VWA2: variants seen among roughly 807,000 people sequenced by gnomAD.
VWA2 encodes von Willebrand factor A domain-containing protein 2.
A neutral mutation model predicts 70.4 loss-of-function variants in VWA2; 73 were observed. The ratio of observed to expected loss-of-function variants is 1.04; its 90% CI spans 0.86 to 1.26. The LOEUF is 1.26. VWA2 is among the 50% of genes most tolerant of loss of function. VWA2 has a pLI of 0.00. For synonymous variants in VWA2, 407 were observed against 423.3 expected, an observed-to-expected ratio of 0.96 and a Z score of 0.47; for missense variants, 1,011 against 998.5, an observed-to-expected ratio of 1.01 and a Z score of -0.17.
intron 8 of VWA2, chr10:114,281,824 A>G: frequency 1.1e-6 from 1 of 874,608 alleles, no homozygotes; most frequent in Non-Finnish European, 1.4e-6. Context: ...CAAAGAGGAA[A>G]GTGAAGACCA....
At chr10:114,253,803 TC>T (rs2037260176) in intron 3 of VWA2, 78 bp downstream of exon 3, 1 of 1,378,764 alleles carries the variant, frequency 7.3e-7, no homozygotes, top group Non-Finnish European at 1.0e-6. Context: ...ACCATGTTCT[TC>T]CAGAGAGTTT....
chr10:114,280,532 G>T (rs1451700144), intron 8 of VWA2, among the ~76,000 whole-genome samples: 1 of 152,056 alleles, frequency 6.6e-6, no homozygotes, highest in East Asian at 1.9e-4. Flanking sequence ...TGAGGGAGGT[G>T]GGGGGCAAAC....
chr10:114,285,698 G>T (rs937713445), intron 10 of VWA2, among the ~76,000 whole-genome samples: 2 of 152,244 alleles, frequency 1.3e-5, no homozygotes, highest in Non-Finnish European at 2.9e-5. Context: ...ATGGAAAAAA[G>T]TGATAATGTA....
In VWA2 at chr10:114,293,474, C is replaced by T. The variant is rs985799177; in HGVS notation, c.*2237C>T. 1.3e-5 allele frequency among the ~76,000 whole-genome samples: 2 copies of T among 152,134 alleles called. No individual in the cohort carries two copies. Among genetic ancestry groups the T allele is most frequent in the African/African-American group, 4.8e-5 (2 of 41,416 alleles). On this transcript the variant is annotated 3_prime_UTR_variant, in exon 14 of 14. Coordinates refer to ENST00000392982, the MANE Select transcript of VWA2 (RefSeq NM_001272046.2). ...GTTTCTTTGTAGGAAATGGGTTTCTCGCCTTTGAAACATTTTTTCCCCTTT... is the reference window on the plus strand; with the variant it reads ...GTTTCTTTGTAGGAAATGGGTTTCTTGCCTTTGAAACATTTTTTCCCCTTT...
At chr10:114,282,840 C>G (rs2038343840) in intron 9 of VWA2, among the ~76,000 whole-genome samples, 1 of 152,166 alleles carries the variant, frequency 6.6e-6, no homozygotes, top group African/African-American at 2.4e-5. Context: ...CACCGAGCAC[C>G]AGCTTTGCAG....
At chr10:114,270,974 C>T (rs1051014633) in intron 5 of VWA2, among the ~76,000 whole-genome samples, 4 of 152,206 alleles carry the variant, frequency 2.6e-5, no homozygotes, top group African/African-American at 9.7e-5. Context: ...AGCTGATTCA[C>T]CAAGACCCCA....
Position 114,282,563 on chromosome 10 carries a change from C to A in VWA2, c.881C>A (p.Thr294Asn). 6.2e-7 allele frequency: 1 copy of A among 1,614,032 alleles called. No individual in the cohort carries two copies. Among genetic ancestry groups the A allele is most frequent in the Non-Finnish European group, 8.5e-7 (1 of 1,179,890 alleles). The change falls in exon 9 of 14, where the codon ACC becomes AAC. Residue 294 changes from threonine (T) to asparagine (N), a missense_variant. Physicochemically the swap from Thr to Asn is moderately conservative, Grantham distance 65. Coordinates refer to ENST00000392982, the MANE Select transcript of VWA2 (RefSeq NM_001272046.2). ...CACCCTGCCACCTGCTACAGGACCACCTGCCCAGGTATGGTCTGTCTCTTG... is the reference window on the plus strand; with the variant it reads ...CACCCTGCCACCTGCTACAGGACCAACTGCCCAGGTATGGTCTGTCTCTTG... ...LTHPATCYRT[T>N]CPGPCDSQPC...
chr10:114,279,951 G>A lies in VWA2; in HGVS notation c.833+1100G>A, dbSNP rs949681903. Among the ~76,000 whole-genome samples, 12 of 152,344 alleles carry A rather than the reference G, an allele frequency of 7.9e-5. No individual in the cohort carries two copies. The East Asian group carries it at 1.7e-3, about 22-fold the overall frequency. The stretch of plus-strand genomic sequence containing the variant: ...GGCAGTGGGCAAGGCGCTCAGAGCC[G>A]GGAGCGGCTGGAAGAGGCTGGTGGC... On this transcript the variant is annotated intron_variant, in intron 8 of 13. Transcript: ENST00000392982.
chr10:114,240,297 C>G (rs2036953040), intron 1 of VWA2, among the ~76,000 whole-genome samples: 1 of 152,224 alleles, frequency 6.6e-6, no homozygotes, highest in Admixed American at 6.5e-5. Flanking sequence ...TCCCTCCCGC[C>G]TTGGGCCCTT....
chr10:114,287,575 G>A (rs1216378195), intron 11 of VWA2, among the ~76,000 whole-genome samples: 1 of 152,124 alleles, frequency 6.6e-6, no homozygotes, highest in African/African-American at 2.4e-5. Flanking sequence ...CTCTCCCCAA[G>A]GCGAGAGGCT....
rs530437889 is a variant in VWA2 at position 114,266,207 on chromosome 10, G to A, written c.371+4912G>A. 5.3e-5 allele frequency among the ~76,000 whole-genome samples: 8 copies of A among 152,176 alleles called. No individual in the cohort carries two copies. The South Asian group carries it at 1.7e-3, about 32-fold the overall frequency. Reference sequence around the variant, plus strand: ...AGCTACTCGGGAGGCTGAGGCAGGAGAATGGCATGAACCCAGGAGGCAGAG... The same window carrying A: ...AGCTACTCGGGAGGCTGAGGCAGGAAAATGGCATGAACCCAGGAGGCAGAG... On this transcript the variant is annotated intron_variant, in intron 5 of 13. Transcript: ENST00000392982.
chr10:114,248,191 G>A (rs149252741), intron 1 of VWA2, among the ~76,000 whole-genome samples: 2 of 152,180 alleles, frequency 1.3e-5, no homozygotes, highest in East Asian at 3.9e-4. Flanking sequence ...TTTAGATAGT[G>A]CAGGCTTTCT....
At chr10:114,290,179 G>GGGGTCTTC in intron 12 of VWA2, 61 bp from the exon 13 acceptor site, 1 of 1,538,980 alleles carries the variant, frequency 6.5e-7, no homozygotes. Context: ...ACTTAGGGTA[G>GGGGTCTTC]GGGTCTTCGG....
chr10:114,262,372 A>G (rs1409749623), intron 5 of VWA2, among the ~76,000 whole-genome samples: 1 of 151,646 alleles, frequency 6.6e-6, no homozygotes, highest in Non-Finnish European at 1.5e-5. Flanking sequence ...ACATATGCAC[A>G]TATTGACACA....
Position 114,294,385 on chromosome 10 carries a change from A to G in VWA2, c.*3148A>G, listed in dbSNP as rs376305511. 5.7e-4 allele frequency among the ~76,000 whole-genome samples: 87 copies of G among 152,208 alleles called. No individual in the cohort carries two copies. The highest frequency in any genetic ancestry group is 3.4e-3 in the Middle Eastern group (1 of 294). On this transcript the variant is annotated 3_prime_UTR_variant, in exon 14 of 14. Transcript: ENST00000392982. ...TGTCAGTATCTGTATTAAGGCCTCC[A>G]TTTCAGTTCTGCTATTTCATATTGC...
rs560050132 is a variant in VWA2 at position 114,286,313 on chromosome 10, G to A, written c.1372G>A (p.Glu458Lys). 1.9e-5 allele frequency: 31 copies of A among 1,612,144 alleles called. No individual in the cohort carries two copies. Among genetic ancestry groups the A allele is most frequent in the South Asian group, 1.4e-4 (13 of 90,872 alleles). ...GGTTTTGCTCACTGAGTCACACTCC[G>A]AGGATGAGGTTGCGGGCCCAGCGCG... is the stretch of plus-strand genomic sequence containing the variant. ...VVVLLTESHS[E>K]DEVAGPARHA... Residue 458 changes from glutamate (E) to lysine (K), a missense_variant, in exon 11 of 14, where the codon GAG becomes AAG. Transcript: ENST00000392982.
At chr10:114,239,907 G>A (rs773331348) in intron 1 of VWA2, among the ~76,000 whole-genome samples, 2 of 152,162 alleles carry the variant, frequency 1.3e-5, no homozygotes, top group Non-Finnish European at 2.9e-5. Flanking sequence ...AGGGGTGGAG[G>A]AGGGCATGTA....
At chr10:114,250,181 A>C (rs1040365071) in intron 2 of VWA2, among the ~76,000 whole-genome samples, 1 of 152,182 alleles carries the variant, frequency 6.6e-6, no homozygotes, top group African/African-American at 2.4e-5. Flanking sequence ...AAAAAATGAC[A>C]TCTTTTCCAT....
chr10:114,248,885 C>T (rs1389905509), intron 2 of VWA2, 120 bp downstream of exon 2: 13 of 923,618 alleles, frequency 1.4e-5, no homozygotes, highest in Non-Finnish European at 1.4e-5. Flanking sequence ...ATCTCCCCTC[C>T]ATGGCCACCT....
Sources: allele counts gnomAD v4.1 joint callset (sites outside exome capture counted in the v4.1 genomes callset), GRCh38; gene constraint gnomAD v4.1.1; transcripts MANE v1.5; gene names NCBI Gene and HGNC (gene_info 2026-07-23, HGNC 2026-07-21).